The following ANKDD1B variants were observed in gnomAD, a reference collection of about 807,000 sequenced individuals.
The protein encoded by ANKDD1B is ankyrin repeat and death domain-containing protein 1B.
In ANKDD1B, 57 loss-of-function variants were observed where a neutral mutation model predicts 59.7. That is an observed-to-expected ratio of 0.95 (90% CI 0.77 to 1.19). The LOEUF is 1.19. Ranked by LOEUF, ANKDD1B falls within the 50% of genes most tolerant of loss-of-function variation. ANKDD1B has a pLI of 0.00. For missense variants in ANKDD1B, 602 were observed against 641.9 expected (o/e 0.94, Z 0.67); for synonymous variants, 216 against 239.5 (o/e 0.90, Z 0.91).
In ANKDD1B at chr5:75,625,901, C is replaced by G. The variant is rs1281399516; in HGVS notation, c.546C>G (p.Ile182Met). The G allele has an allele frequency of 6.5e-7, 1 of 1,536,164 alleles. No homozygotes were observed. Among genetic ancestry groups the G allele is most frequent in the East Asian group, 2.4e-5 (1 of 40,920 alleles). The change falls in exon 5 of 14, where the codon ATC becomes ATG. Residue 182 changes from isoleucine to methionine, a missense_variant. Coordinates refer to ENST00000601380, the MANE Select transcript of ANKDD1B (RefSeq NM_001276713.2). Reference protein sequence around the residue: ...HFATQSNHVRIVEYLIQDLHL... With the variant: ...HFATQSNHVRMVEYLIQDLHL... ...CCACTCAGAGCAATCATGTGCGCAT[C>G]GTGGAGTATCTTATTCAAGATCTGC... is the stretch of plus-strand genomic sequence containing the variant.
rs1359154292 is a variant in ANKDD1B, at chr5:75,643,984, A to G, written c.798+8102A>G. Among the ~76,000 whole-genome samples, 4 of 72,606 alleles carry G rather than the reference A, an allele frequency of 5.5e-5. No individual in the cohort carries two copies. The East Asian group carries it at 1.3e-3, about 23-fold the overall frequency. The allele number at this position is 72,606 out of a possible 152,430, so 47.6% of individuals were successfully genotyped here. A position where few individuals can be genotyped will look rare whatever the true frequency, so the allele number is the denominator to read the frequency against. The stretch of plus-strand genomic sequence containing the variant: ...AAGAATTTTCAACCCAGAATTTCAT[A>G]TCCAGCCAAACTAAGCTTCATAAGT... On this transcript the variant is annotated intron_variant, in intron 7 of 13. Coordinates refer to ENST00000601380, the MANE Select transcript of ANKDD1B (RefSeq NM_001276713.2).
At chr5:75,669,935 C>T (rs987181922) in intron 13 of ANKDD1B, among the ~76,000 whole-genome samples, 6 of 152,108 alleles carry the variant, frequency 3.9e-5, no homozygotes, top group African/African-American at 9.7e-5. Context: ...ATAAATTAGG[C>T]GGTGTTGTAG....
chr5:75,658,071 C>G (rs1422180246), intron 9 of ANKDD1B, among the ~76,000 whole-genome samples: 1 of 151,678 alleles, frequency 6.6e-6, no homozygotes, highest in African/African-American at 2.4e-5. Flanking sequence ...ATTAGTAGAG[C>G]CTGTAGTCTC....
At chr5:75,656,208 G>GT in intron 9 of ANKDD1B, 81 bp downstream of exon 9, 1 of 641,108 alleles carries the variant, frequency 1.6e-6, no homozygotes, top group Non-Finnish European at 2.6e-6. Context: ...TTTTGATTAA[G>GT]TTCAAGGTAC....
At chr5:75,616,511 C>G (rs1456187557) in intron 1 of ANKDD1B, among the ~76,000 whole-genome samples, 1 of 152,180 alleles carries the variant, frequency 6.6e-6, no homozygotes, top group Non-Finnish European at 1.5e-5. Context: ...TGGCCGCCTT[C>G]TGACCTTCTA....
intron 8 of ANKDD1B, among the ~76,000 whole-genome samples, chr5:75,653,447 G>A (rs1241604539): frequency 6.6e-6 from 1 of 152,170 alleles, no homozygotes; most frequent in African/African-American, 2.4e-5. Flanking sequence ...AGTCATTGAA[G>A]TTCCTGAACA....
chr5:75,644,004 A>G (rs1460378575), intron 7 of ANKDD1B, among the ~76,000 whole-genome samples: 1 of 90,354 alleles, frequency 1.1e-5, no homozygotes, highest in Admixed American at 1.2e-4. Context: ...ACTAAGCTTC[A>G]TAAGTGAAGG....
At chr5:75,631,172 T>C (rs1381001026) in intron 5 of ANKDD1B, among the ~76,000 whole-genome samples, 1 of 152,070 alleles carries the variant, frequency 6.6e-6, no homozygotes, top group Admixed American at 6.6e-5. Context: ...AGAAGAAAGG[T>C]AAATATAAAG....
intron 7 of ANKDD1B, among the ~76,000 whole-genome samples, chr5:75,649,190 T>TG (rs1238042380): frequency 6.6e-6 from 1 of 151,802 alleles, no homozygotes; most frequent in African/African-American, 2.4e-5. Context: ...TTTACTTTTT[T>TG]TTTTTTTTTT....
At position 75,625,840 on chromosome 5, in the gene ANKDD1B, G is replaced by T. The variant is rs1225528994; in HGVS notation, c.496-11G>T. On this transcript the variant is annotated splice_polypyrimidine_tract_variant and intron_variant, in intron 4 of 13. Coordinates refer to ENST00000601380, the MANE Select transcript of ANKDD1B (RefSeq NM_001276713.2). ...TCACTGTCTATCTCCCCCACCCCTG[G>T]TTCTCTTCAGGATGGAATGAGCGCC... is the stretch of plus-strand genomic sequence containing the variant. 1 of 1,534,840 alleles carries T rather than the reference G, an allele frequency of 6.5e-7. No individual in the cohort carries two copies. The highest frequency in any genetic ancestry group is 2.4e-5 in the East Asian group (1 of 40,916).
intron 7 of ANKDD1B, among the ~76,000 whole-genome samples, chr5:75,640,045 C>CTTTT (rs764852636): frequency 6.9e-6 from 1 of 145,310 alleles, no homozygotes; most frequent in African/African-American, 2.5e-5. Context: ...GATTATCTTT[C>CTTTT]TTTTTTTTTT....
At chr5:75,614,955 A>G (rs1773675056) in intron 1 of ANKDD1B, among the ~76,000 whole-genome samples, 1 of 152,252 alleles carries the variant, frequency 6.6e-6, no homozygotes, top group Non-Finnish European at 1.5e-5. Context: ...AAGTGATTTC[A>G]TAGGTGGACC....
At chr5:75,625,622 C>G (rs1180039928) in intron 3 of ANKDD1B, 25 bp from the exon 4 acceptor site, 1 of 1,526,154 alleles carries the variant, frequency 6.6e-7, no homozygotes, top group Non-Finnish European at 8.8e-7. Context: ...GTGATAGATT[C>G]TCTTTTTCTG....
chr5:75,638,787 A>G (rs574290025), intron 7 of ANKDD1B, among the ~76,000 whole-genome samples: 1 of 152,260 alleles, frequency 6.6e-6, no homozygotes, highest in South Asian at 2.1e-4. Context: ...CACAGCTCAA[A>G]GGATGATCTT....
chr5:75,642,816 AGC>A (rs1774518206), intron 7 of ANKDD1B, among the ~76,000 whole-genome samples: 1 of 42,310 alleles, frequency 2.4e-5, no homozygotes, highest in Non-Finnish European at 4.4e-5. Flanking sequence ...ACAAAAAGAC[AGC>A]AGTAACCTCT....
At chr5:75,613,612 A>G (rs1406972686) in intron 1 of ANKDD1B, among the ~76,000 whole-genome samples, 2 of 152,216 alleles carry the variant, frequency 1.3e-5, no homozygotes, top group South Asian at 4.1e-4. Flanking sequence ...AGTGGGAGGA[A>G]GTAAATTACG....
chr5:75,635,034 A>G, intron 6 of ANKDD1B, 38 bp downstream of exon 6: 1 of 1,334,148 alleles, frequency 7.5e-7, no homozygotes, highest in Non-Finnish European at 1.0e-6. Context: ...AGAACAAGAG[A>G]AAGGGGAGTA....
At chr5:75,651,525 G>A (rs1236814934) in intron 7 of ANKDD1B, among the ~76,000 whole-genome samples, 1 of 152,212 alleles carries the variant, frequency 6.6e-6, no homozygotes, top group Non-Finnish European at 1.5e-5. Flanking sequence ...GATGATGAGG[G>A]AAGCTGCAAG....
At chr5:75,641,439 AC>A (rs368100227) in intron 7 of ANKDD1B, among the ~76,000 whole-genome samples, 10 of 152,242 alleles carry the variant, frequency 6.6e-5, no homozygotes, top group African/African-American at 2.4e-4. Flanking sequence ...TCTTACTCCA[AC>A]CCCACATCGC....
Sources: gnomAD v4.1 joint callset for allele counts (sites outside exome capture counted in the v4.1 genomes callset) on GRCh38, gnomAD v4.1.1 for gene constraint, MANE v1.5 for transcripts, NCBI Gene and HGNC (gene_info 2026-07-23, HGNC 2026-07-21) for gene names.